FNDC3A: variants seen among roughly 807,000 people sequenced by gnomAD.
The protein encoded by FNDC3A is fibronectin type-III domain-containing protein 3A.
A neutral mutation model predicts 148.9 loss-of-function variants in FNDC3A; 32 were observed. The ratio of observed to expected loss-of-function variants is 0.21; its 90% confidence interval spans 0.16 to 0.29. The LOEUF is 0.29. Among genes scored for constraint, FNDC3A ranks in the 10% least tolerant of loss-of-function variants. The pLI, the probability that FNDC3A is intolerant of heterozygous loss-of-function variation, is 1.00. For missense variants in FNDC3A, 1,191 were observed against 1,452.8 expected, an observed-to-expected ratio of 0.82 and a Z score of 2.93; for synonymous variants, 472 against 473.6, an observed-to-expected ratio of 1.00 and a Z score of 0.04.
intron 2 of FNDC3A, among the ~76,000 whole-genome samples, chr13:49,016,007 G>C (rs546033766): frequency 6.6e-6 from 1 of 152,048 alleles, no homozygotes; most frequent in Admixed American, 6.5e-5. Context: ...CGGTTTGCCA[G>C]TATTTTATTG....
At chr13:49,183,818 G>T (rs1885427158) in intron 14 of FNDC3A, among the ~76,000 whole-genome samples, 1 of 152,070 alleles carries the variant, frequency 6.6e-6, no homozygotes, top group African/African-American at 2.4e-5. Context: ...GATTTATTTG[G>T]GGTGGTAGAT....
chr13:49,055,168 T>C (rs1012071216), intron 2 of FNDC3A, among the ~76,000 whole-genome samples: 3 of 151,844 alleles, frequency 2.0e-5, no homozygotes, highest in Non-Finnish European at 2.9e-5. Context: ...CGGTGTCACG[T>C]TCGTGGCTCA....
chr13:49,006,056 T>G lies in FNDC3A; in HGVS notation c.-39-96T>G, dbSNP rs1952214746. The G allele has an allele frequency of 1.1e-5, 5 of 472,640 alleles. No individual in the cohort carries two copies. The South Asian group carries it at 2.1e-4, about 20-fold the overall frequency. 29.3% of individuals were successfully genotyped at this position (472,640 alleles called of 1,614,324 possible). On this transcript the variant is annotated intron_variant, in intron 1 of 25. Transcript: ENST00000492622. ...TCTAGAATTTCCTTTGACAAGAATA[T>G]CTCTTTAGGTTAAAGAATGAAACAT... is the stretch of plus-strand genomic sequence containing the variant.
chr13:49,189,236 C>G (rs1178943119), intron 17 of FNDC3A, among the ~76,000 whole-genome samples: 2 of 151,658 alleles, frequency 1.3e-5, no homozygotes, highest in Non-Finnish European at 2.9e-5. Context: ...TTGGGGCTCA[C>G]TGCAACCTCT....
At chr13:49,130,575 A>G (rs923973578) in intron 4 of FNDC3A, among the ~76,000 whole-genome samples, 2 of 151,990 alleles carry the variant, frequency 1.3e-5, no homozygotes, top group African/African-American at 4.8e-5. Flanking sequence ...AATATCTAGT[A>G]TCATAACTTA....
chr13:49,114,173 T>G (rs1286998782), intron 3 of FNDC3A, among the ~76,000 whole-genome samples: 1 of 152,206 alleles, frequency 6.6e-6, no homozygotes, highest in African/African-American at 2.4e-5. Flanking sequence ...CTCTTGCTGC[T>G]TTTCACTCTT....
At position 49,053,805 on chromosome 13, in the gene FNDC3A, A is replaced by G. The variant is rs368336496; in HGVS notation, c.100-21484A>G. ...TAGTAGGTGCTAGAGCACTCAGCCAATCTTTTCAGAATCAGGAAAAGTCCT... is the reference window on the plus strand; with the variant it reads ...TAGTAGGTGCTAGAGCACTCAGCCAGTCTTTTCAGAATCAGGAAAAGTCCT... On this transcript the variant is annotated intron_variant, in intron 2 of 25. Transcript: ENST00000492622. Among the ~76,000 whole-genome samples, 643 of 152,292 alleles carry G rather than the reference A, an allele frequency of 4.2e-3. 4 individuals are homozygous for G. Among genetic ancestry groups the G allele is most frequent in the African/African-American group, 0.015 (607 of 41,542 alleles).
chr13:48,985,893 A>G (rs1402358037), intron 1 of FNDC3A, among the ~76,000 whole-genome samples: 1 of 152,222 alleles, frequency 6.6e-6, no homozygotes, highest in Non-Finnish European at 1.5e-5. Context: ...ACATAACAAC[A>G]CATGCAAGGC....
intron 3 of FNDC3A, among the ~76,000 whole-genome samples, chr13:49,097,983 A>C (rs1879638460): frequency 1.3e-5 from 2 of 152,070 alleles, no homozygotes; most frequent in African/African-American, 4.8e-5. Context: ...ATGCTTAATA[A>C]ATGGCAACAT....
chr13:49,107,354 G>T (rs375217999), intron 3 of FNDC3A, among the ~76,000 whole-genome samples: 1 of 152,006 alleles, frequency 6.6e-6, no homozygotes, highest in Admixed American at 6.6e-5. Flanking sequence ...GGTATGATGG[G>T]GCAGAAAAAA....
intron 8 of FNDC3A, among the ~76,000 whole-genome samples, chr13:49,151,623 C>T (rs9526525): frequency 0.32 from 47,766 of 151,554 alleles, 7,623 homozygotes; most frequent in South Asian, 0.48. Context: ...ATGTGCATAC[C>T]GTACAGGTTT....
chr13:49,125,916 T>G (rs1232869972), intron 4 of FNDC3A, among the ~76,000 whole-genome samples: 4 of 152,226 alleles, frequency 2.6e-5, no homozygotes, highest in African/African-American at 9.6e-5. Flanking sequence ...GGTTAAGTGG[T>G]CAGACTATGC....
At chr13:49,153,609 A>G (rs1883463305) in intron 8 of FNDC3A, among the ~76,000 whole-genome samples, 1 of 151,948 alleles carries the variant, frequency 6.6e-6, no homozygotes, top group Non-Finnish European at 1.5e-5. Context: ...TATGTCCTGA[A>G]TGGTAATGCC....
rs2138099853 is a variant in FNDC3A, at chr13:49,188,637, A to C, written c.1944+4A>C. 6.4e-7 allele frequency: 1 copy of C among 1,570,422 alleles called. No individual in the cohort carries two copies. The highest frequency in any genetic ancestry group is 1.3e-5 in the African/African-American group (1 of 74,232). On this transcript the variant is annotated splice_donor_region_variant and intron_variant, in intron 17 of 25. Transcript: ENST00000492622. ...CAGTGATGGAGGACAGAGTGCGGTA[A>C]TACTTATATGTAGATTCTTTTGTGT... is the stretch of plus-strand genomic sequence containing the variant.
chr13:49,076,800 T>G (rs1360423669), intron 3 of FNDC3A, among the ~76,000 whole-genome samples: 1 of 152,148 alleles, frequency 6.6e-6, no homozygotes, highest in African/African-American at 2.4e-5. Flanking sequence ...CTTGTAATAT[T>G]TCTTCTAGTT....
chr13:49,006,101 A>G (rs1271011804), intron 1 of FNDC3A, 51 bp from the exon 2 acceptor site: 3 of 624,078 alleles, frequency 4.8e-6, no homozygotes, highest in Admixed American at 2.8e-5. Flanking sequence ...ACAATGTTTT[A>G]CTGTATTTTA....
intron 23 of FNDC3A, among the ~76,000 whole-genome samples, chr13:49,200,660 A>G (rs1469371440): frequency 6.6e-6 from 1 of 152,090 alleles, no homozygotes; most frequent in Admixed American, 6.5e-5. Context: ...AGAACTTCCA[A>G]CTTAATATTC....
At chr13:48,994,004 T>A (rs1314891800) in intron 1 of FNDC3A, among the ~76,000 whole-genome samples, 1 of 152,246 alleles carries the variant, frequency 6.6e-6, no homozygotes, top group Admixed American at 6.5e-5. Context: ...AGAAATTGAC[T>A]ATTTGAGATT....
intron 2 of FNDC3A, among the ~76,000 whole-genome samples, chr13:49,026,679 T>A (rs1260637102): frequency 6.6e-6 from 1 of 152,088 alleles, no homozygotes; most frequent in East Asian, 1.9e-4. Flanking sequence ...AATTCTGTTA[T>A]TTTTTTATAG....
Sources: gnomAD v4.1 joint callset for allele counts (sites outside exome capture counted in the v4.1 genomes callset) on GRCh38, gnomAD v4.1.1 for gene constraint, MANE v1.5 for transcripts, NCBI Gene and HGNC (gene_info 2026-07-23, HGNC 2026-07-21) for gene names.